The following KIAA1671 variants were observed in gnomAD, a reference collection of about 807,000 sequenced individuals.
KIAA1671 encodes uncharacterized protein KIAA1671.
In KIAA1671, 52 loss-of-function variants were observed where a neutral mutation model predicts 131.2. That is an observed-to-expected ratio of 0.40 (90% confidence interval 0.32 to 0.50). KIAA1671 has a LOEUF of 0.50. Among genes scored for constraint, KIAA1671 ranks in the 20% least tolerant of loss-of-function variants. KIAA1671 has a pLI of 0.73. For synonymous variants in KIAA1671, 1,003 were observed against 961.6 expected (o/e 1.04, Z -0.80); for missense variants, 2,360 against 2,364.2 (o/e 1.00, Z 0.04).
chr22:25,090,461 C>T (rs1012461561), intron 6 of KIAA1671, among the ~76,000 whole-genome samples: 11 of 152,344 alleles, frequency 7.2e-5, no homozygotes, highest in African/African-American at 2.4e-4. Context: ...CCTGGCCTTT[C>T]CTGCACATTT....
intron 6 of KIAA1671, among the ~76,000 whole-genome samples, chr22:25,069,173 G>T (rs1024936233): frequency 3.9e-5 from 6 of 152,142 alleles, no homozygotes; most frequent in African/African-American, 1.4e-4. Flanking sequence ...CAGTAGAAGT[G>T]ATGATACTGC....
chr22:25,155,176 A>G (rs960230889), intron 6 of KIAA1671, among the ~76,000 whole-genome samples: 3 of 152,200 alleles, frequency 2.0e-5, no homozygotes, highest in African/African-American at 7.2e-5. Flanking sequence ...TTTCCACATC[A>G]GCCCTTCAAT....
chr22:25,039,622 A>C lies in KIAA1671; in HGVS notation c.2492A>C (p.His831Pro). ...KWTGGAVVSS[H>P]KATVAVSEEH... ...ACAGGCGGGGCAGTGGTGAGCTCGC[A>C]CAAAGCCACCGTGGCAGTCAGCGAA... Residue 831 changes from histidine (H) to proline (P), a missense_variant, in exon 5 of 13, where the codon CAC (histidine) becomes CCC (proline). Physicochemically the swap from His to Pro is moderately conservative, Grantham distance 77. Transcript: ENST00000358431. 6.5e-7 allele frequency: 1 copy of C among 1,550,088 alleles called. No individual in the cohort carries two copies. Among genetic ancestry groups the C allele is most frequent in the Non-Finnish European group, 8.7e-7 (1 of 1,145,772 alleles).
chr22:25,179,294 G>A (rs1934171775), intron 9 of KIAA1671: 7 of 1,570,168 alleles, frequency 4.5e-6, no homozygotes, highest in East Asian at 2.4e-5. Flanking sequence ...GATGGGCGCC[G>A]CCCGTCCCGG....
intron 10 of KIAA1671, among the ~76,000 whole-genome samples, chr22:25,183,076 GT>G (rs1295232774): frequency 7.5e-6 from 1 of 132,856 alleles, no homozygotes; most frequent in Non-Finnish European, 1.5e-5. Context: ...TTGCCCCCCT[GT>G]TTCAGACATC....
At chr22:24,969,978 G>A (rs1167283697) in intron 1 of KIAA1671, among the ~76,000 whole-genome samples, 2 of 152,212 alleles carry the variant, frequency 1.3e-5, no homozygotes, top group East Asian at 1.9e-4. Context: ...AGGCACAGCC[G>A]AGGTGGGAAC....
intron 6 of KIAA1671, among the ~76,000 whole-genome samples, chr22:25,101,491 T>TATTG (rs368124033): frequency 5.9e-5 from 9 of 152,268 alleles, no homozygotes; most frequent in South Asian, 2.1e-4. Flanking sequence ...AGATGATTTT[T>TATTG]ATTGATTGAT....
chr22:24,971,146 G>T (rs1198375880), intron 1 of KIAA1671, among the ~76,000 whole-genome samples: 1 of 152,086 alleles, frequency 6.6e-6, no homozygotes, highest in African/African-American at 2.4e-5. Context: ...AGTAGAGACG[G>T]GGTTTCACCA....
At chr22:25,163,673 CT>C (rs1453159386) in intron 6 of KIAA1671, among the ~76,000 whole-genome samples, 1 of 151,600 alleles carries the variant, frequency 6.6e-6, no homozygotes, top group African/African-American at 2.4e-5. Flanking sequence ...ATCTCTTGAC[CT>C]TGTGATGCCC....
chr22:25,000,726 G>A (rs5996808), intron 1 of KIAA1671, among the ~76,000 whole-genome samples: 105,190 of 151,306 alleles, frequency 0.7, 38,186 homozygotes, highest in African/African-American at 0.92. Flanking sequence ...CATGTTGGCC[G>A]GGCTGGTCTT....
intron 11 of KIAA1671, among the ~76,000 whole-genome samples, chr22:25,188,696 A>G (rs1242858722): frequency 6.6e-6 from 1 of 152,180 alleles, no homozygotes; most frequent in African/African-American, 2.4e-5. Context: ...GCTAGAGGAA[A>G]GATGTTATTA....
intron 11 of KIAA1671, among the ~76,000 whole-genome samples, chr22:25,188,828 G>T (rs550749059): frequency 7.6e-4 from 116 of 152,296 alleles, no homozygotes; most frequent in African/African-American, 2.7e-3. Flanking sequence ...GGAGGTGGAA[G>T]AGGAGGGATT....
Position 25,195,170 on chromosome 22 carries a change from C to G in KIAA1671, c.*2769C>G, listed in dbSNP as rs530600419. The G allele has an allele frequency of 1.3e-5, 2 of 152,216 alleles. No homozygotes were observed. The highest frequency in any genetic ancestry group is 2.9e-5 in the Non-Finnish European group (2 of 68,002). 9.4% of individuals were successfully genotyped at this position (152,216 alleles called of 1,614,324 possible). ...AATCCTCTATATGTACAATCTCTCT[C>G]CCCCTCATTTCTCTTCCTCCTCACC... is the stretch of plus-strand genomic sequence containing the variant. On this transcript the variant is annotated 3_prime_UTR_variant, in exon 13 of 13. Transcript: ENST00000358431.
At chr22:25,037,165 A>G (rs1264838468) in intron 4 of KIAA1671, among the ~76,000 whole-genome samples, 2 of 151,968 alleles carry the variant, frequency 1.3e-5, no homozygotes, top group African/African-American at 4.8e-5. Flanking sequence ...ACTACTAAAA[A>G]CACAAAAATT....
chr22:25,054,223 C>CCTG (rs1927716245), intron 6 of KIAA1671: 2 of 148,074 alleles, frequency 1.4e-5, no homozygotes, highest in Non-Finnish European at 1.5e-5. Flanking sequence ...TGCACTCCAG[C>CCTG]GTGGGTAACA....
Position 25,028,285 on chromosome 22 carries a change from G to C in KIAA1671, c.286G>C (p.Gly96Arg). ...TTCGACTGGACCTTCCCCCTCTGGGGGGCTCTCTGAGGAGCCAGCAGCAAA... is the reference window on the plus strand; with the variant it reads ...TTCGACTGGACCTTCCCCCTCTGGGCGGCTCTCTGAGGAGCCAGCAGCAAA... ...PSSTGPSPSG[G>R]LSEEPAAKDL... The change falls in exon 3 of 13, where the codon GGG (glycine) becomes CGG (arginine). Residue 96 changes from glycine (G) to arginine (R), a missense_variant. Transcript: ENST00000358431. The C allele has an allele frequency of 6.4e-7, 1 of 1,551,354 alleles. No individual in the cohort carries two copies. Among genetic ancestry groups the C allele is most frequent in the Non-Finnish European group, 8.7e-7 (1 of 1,146,998 alleles).
At chr22:25,139,228 G>C (rs1056671370) in intron 6 of KIAA1671, among the ~76,000 whole-genome samples, 1 of 151,184 alleles carries the variant, frequency 6.6e-6, no homozygotes, top group Non-Finnish European at 1.5e-5. Context: ...TAGTAAGAAG[G>C]GGGAGCCGAG....
intron 6 of KIAA1671, among the ~76,000 whole-genome samples, chr22:25,088,118 T>C (rs1358372428): frequency 6.7e-6 from 1 of 148,630 alleles, no homozygotes; most frequent in Non-Finnish European, 1.5e-5. Context: ...TTTCTTTTTT[T>C]TTTTTTTGAG....
intron 8 of KIAA1671, chr22:25,175,073 C>T (rs1474428915): frequency 6.6e-6 from 1 of 152,434 alleles, no homozygotes; most frequent in Non-Finnish European, 1.5e-5. Flanking sequence ...CAAGCACAGC[C>T]AGGATGTCAG....
Sources: gnomAD v4.1 joint callset for allele counts (sites outside exome capture counted in the v4.1 genomes callset) on GRCh38, gnomAD v4.1.1 for gene constraint, MANE v1.5 for transcripts, NCBI Gene and HGNC (gene_info 2026-07-23, HGNC 2026-07-21) for gene names.